The following PHTF1 variants were observed in gnomAD, a reference collection of about 807,000 sequenced individuals.
PHTF1 encodes the protein protein PHTF1.
PHTF1 carries 88 observed loss-of-function variants against 102.4 expected under a neutral mutation model. The observed-to-expected ratio is 0.86, with a 90% confidence interval of 0.72 to 1.03. The LOEUF is 1.03. Among genes scored for constraint, PHTF1 ranks in the 50% least tolerant of loss-of-function variants. PHTF1 has a pLI of 0.00. For missense variants in PHTF1, 814 were observed against 909.5 expected, an observed-to-expected ratio of 0.89 and a Z score of 1.35; for synonymous variants, 289 against 305.2, an observed-to-expected ratio of 0.95 and a Z score of 0.55.
At chr1:113,723,066 G>A (rs1427082874) in intron 7 of PHTF1, among the ~76,000 whole-genome samples, 1 of 151,778 alleles carries the variant, frequency 6.6e-6, no homozygotes, top group Non-Finnish European at 1.5e-5. Flanking sequence ...ACTTCAAATT[G>A]TACTACAGCA....
intron 5 of PHTF1, among the ~76,000 whole-genome samples, chr1:113,733,296 C>T (rs2101550726): frequency 6.6e-6 from 1 of 151,976 alleles, no homozygotes; most frequent in East Asian, 1.9e-4. Context: ...GTGCCATCAG[C>T]AATTTCATTA....
chr1:113,735,260 G>A (rs747292029), intron 5 of PHTF1, among the ~76,000 whole-genome samples: 6 of 150,020 alleles, frequency 4.0e-5, no homozygotes, highest in Non-Finnish European at 5.9e-5. Context: ...CAGTTACTTC[G>A]GAGGCTGAGG....
At chr1:113,699,429 TCTC>T (rs1220694607) in intron 17 of PHTF1, 5 of 584,526 alleles carry the variant, frequency 8.6e-6, no homozygotes, top group African/African-American at 3.6e-5. Flanking sequence ...AAGAGGCAGA[TCTC>T]CTCCAGGGAC....
At chr1:113,722,951 TAAATAAATAAATAAAA>T (rs1261634074) in intron 7 of PHTF1, among the ~76,000 whole-genome samples, 2 of 147,786 alleles carry the variant, frequency 1.4e-5, no homozygotes, top group African/African-American at 5.0e-5. Flanking sequence ...AATAAATAAA[TAAATAAATAAATAAAA>T]ATAAAAATTA....
At chr1:113,705,533 A>T (rs186605814) in intron 13 of PHTF1, among the ~76,000 whole-genome samples, 13 of 152,344 alleles carry the variant, frequency 8.5e-5, no homozygotes, top group Admixed American at 8.5e-4. Context: ...CAATAAATTT[A>T]TTTCTCACTT....
At chr1:113,726,650 T>C (rs1262842985) in intron 5 of PHTF1, 76 bp from the exon 6 acceptor site, 12 of 952,690 alleles carry the variant, frequency 1.3e-5, no homozygotes, top group Non-Finnish European at 1.8e-5. Context: ...ATACAAATTG[T>C]TTCTATAAAA....
chr1:113,724,951 A>G, intron 6 of PHTF1, 58 bp from the exon 7 acceptor site: 1 of 1,236,084 alleles, frequency 8.1e-7, no homozygotes, highest in Non-Finnish European at 1.1e-6. Context: ...ATTTCTGCCA[A>G]AAATATCCCT....
intron 5 of PHTF1, among the ~76,000 whole-genome samples, chr1:113,731,856 C>T (rs1654703897): frequency 6.7e-6 from 1 of 149,244 alleles, no homozygotes; most frequent in Admixed American, 6.7e-5. Flanking sequence ...GAGATCAAGC[C>T]ACTGCACTCC....
chr1:113,742,387 G>T (rs1404205644), intron 3 of PHTF1, among the ~76,000 whole-genome samples: 1 of 152,138 alleles, frequency 6.6e-6, no homozygotes, highest in Admixed American at 6.5e-5. Context: ...ACTTTAGAAG[G>T]CCAAGGCAGG....
rs1409193220 is a variant in PHTF1, at chr1:113,706,641, T to C, written c.1351A>G (p.Lys451Glu). The change falls in exon 12 of 19, where the codon AAG becomes GAG. Residue 451 changes from lysine to glutamate, a missense_variant. Lys to Glu is a moderately conservative substitution (Grantham distance 56, BLOSUM62 1). Transcript: ENST00000369604. The stretch of plus-strand genomic sequence containing the variant: ...ATTTCCAACACAGACATATCCATCT[T>C]TTTGCACTCATTCCCCTCCCAGATT... ...AIIWEGNECK[K>E]MDMSVLEISG... The C allele has an allele frequency of 1.2e-6, 2 of 1,612,126 alleles. No individual in the cohort carries two copies. The highest frequency in any genetic ancestry group is 2.2e-5 in the South Asian group (2 of 90,864).
At chr1:113,748,709 T>C (rs570586666) in intron 3 of PHTF1, among the ~76,000 whole-genome samples, 1 of 152,206 alleles carries the variant, frequency 6.6e-6, no homozygotes, top group African/African-American at 2.4e-5. Context: ...AATTTTTTTG[T>C]ATTTTTTGTA....
chr1:113,738,526 G>A (rs928713621), intron 4 of PHTF1, among the ~76,000 whole-genome samples: 9 of 152,082 alleles, frequency 5.9e-5, no homozygotes, highest in South Asian at 4.1e-4. Context: ...AAGTCTCTAC[G>A]TTCATCCCTC....
At chr1:113,739,774 T>C (rs761874439) in intron 3 of PHTF1, among the ~76,000 whole-genome samples, 1 of 152,212 alleles carries the variant, frequency 6.6e-6, no homozygotes, top group Non-Finnish European at 1.5e-5. Context: ...ACTATTCTAC[T>C]CTCTACTTCT....
rs1653576331 is a variant in PHTF1 at position 113,724,829 on chromosome 1, C to G, written c.553G>C (p.Val185Leu). Residue 185 changes from valine (V) to leucine (L), a missense_variant, in exon 7 of 19, where the codon GTC (valine) becomes CTC (leucine). Physicochemically the swap from Val to Leu is conservative, Grantham distance 32. Coordinates refer to ENST00000369604, the MANE Select transcript of PHTF1 (RefSeq NM_001323043.2). ...RENGNNSSDK[V>L]RGIETLESVP... ...GATTCCAAAGTTTCTATTCCTCTGA[C>G]TTTATCAGAGGAGTTATTTCCATTT... 2 of 1,606,576 alleles carry G rather than the reference C, an allele frequency of 1.2e-6. No homozygotes were observed. The highest frequency in any genetic ancestry group is 1.7e-6 in the Non-Finnish European group (2 of 1,173,974).
At chr1:113,744,946 C>A (rs1399292643) in intron 3 of PHTF1, among the ~76,000 whole-genome samples, 2 of 136,052 alleles carry the variant, frequency 1.5e-5, no homozygotes, top group African/African-American at 5.6e-5. Flanking sequence ...AAGACTCTGT[C>A]TCGAAAGAAG....
chr1:113,722,963 T>TAAAA lies in PHTF1; in HGVS notation c.623+1792_623+1795dup, dbSNP rs200817078. On this transcript the variant is annotated intron_variant, in intron 7 of 18. Coordinates refer to ENST00000369604, the MANE Select transcript of PHTF1 (RefSeq NM_001323043.2). Reference sequence around the variant, plus strand: ...ATAAATAAATAAATAAATAAATAAATAAAAATAAAAATTATATGGAATCAC... The same window carrying TAAAA: ...ATAAATAAATAAATAAATAAATAAATAAAAAAAAATAAAAATTATATGGAATCAC... Among the ~76,000 whole-genome samples the TAAAA allele has an allele frequency of 3.2e-3, 455 of 143,246 alleles. 2 individuals carry two copies. The highest frequency in any genetic ancestry group is 5.1e-3 in the African/African-American group (197 of 38,286). 94.0% of individuals were successfully genotyped at this position (143,246 alleles called of 152,430 possible). A position where few individuals can be genotyped will look rare whatever the true frequency, so the allele number is the denominator to read the frequency against.
intron 5 of PHTF1, among the ~76,000 whole-genome samples, 195 bp from the exon 6 acceptor site, chr1:113,726,769 A>G (rs756830914): frequency 6.6e-6 from 1 of 152,258 alleles, no homozygotes; most frequent in African/African-American, 2.4e-5. Flanking sequence ...CAAGTGAAGA[A>G]TACTGTGTTA....
chr1:113,731,163 C>T (rs1368320939), intron 5 of PHTF1, among the ~76,000 whole-genome samples: 1 of 152,030 alleles, frequency 6.6e-6, no homozygotes, highest in East Asian at 1.9e-4. Flanking sequence ...TGGTGAATTT[C>T]ATGTTGTGTA....
At position 113,726,443 on chromosome 1, in the gene PHTF1, C is replaced by T. The variant is rs1460796651; in HGVS notation, c.463G>A (p.Gly155Arg). ...IVSTQITRPS[G>R]NNGNRRRRKL... The stretch of plus-strand genomic sequence containing the variant: ...CTTCTTCTTCGATTTCCATTGTTTC[C>T]TGATGGTCTTGTTATCTGAGTAGAC... The change falls in exon 6 of 19, where the codon GGA becomes AGA. Residue 155 changes from glycine to arginine, a missense_variant. Coordinates refer to ENST00000369604, the MANE Select transcript of PHTF1 (RefSeq NM_001323043.2). The T allele has an allele frequency of 6.2e-7, 1 of 1,608,258 alleles. No homozygotes were observed. The highest frequency in any genetic ancestry group is 8.5e-7 in the Non-Finnish European group (1 of 1,177,910).
Sources: allele counts gnomAD v4.1 joint callset (sites outside exome capture counted in the v4.1 genomes callset), GRCh38; gene constraint gnomAD v4.1.1; transcripts MANE v1.5; gene names NCBI Gene and HGNC (gene_info 2026-07-23, HGNC 2026-07-21).